Variants in GRM8 observed in about 807,000 individuals in gnomAD.
GRM8 encodes the protein glutamate metabotropic receptor 8.
In GRM8, 47 loss-of-function variants were observed where a neutral mutation model predicts 87.2. The ratio of observed to expected loss-of-function variants is 0.54; its 90% CI spans 0.43 to 0.69. GRM8 has a LOEUF of 0.69. GRM8 is among the 30% of genes least tolerant of loss of function. The pLI is 0.00. For synonymous variants in GRM8, 396 were observed against 404.5 expected, an observed-to-expected ratio of 0.98 and a Z score of 0.25; for missense variants, 1,019 against 1,139.2, an observed-to-expected ratio of 0.89 and a Z score of 1.52.
At chr7:126,619,343 G>A (rs1466465996) in intron 7 of GRM8, among the ~76,000 whole-genome samples, 1 of 152,096 alleles carries the variant, frequency 6.6e-6, no homozygotes, top group Non-Finnish European at 1.5e-5. Context: ...ATGGACACAG[G>A]AAGGGGAACA....
At chr7:127,086,789 T>G (rs953542250) in intron 3 of GRM8, among the ~76,000 whole-genome samples, 1 of 152,174 alleles carries the variant, frequency 6.6e-6, no homozygotes, top group Non-Finnish European at 1.5e-5. Context: ...CCAAGGGACA[T>G]CTCCTGTTTT....
intron 2 of GRM8, among the ~76,000 whole-genome samples, chr7:127,206,246 G>A (rs1795906277): frequency 6.6e-6 from 1 of 152,190 alleles, no homozygotes; most frequent in Non-Finnish European, 1.5e-5. Context: ...TGCCAGGCTG[G>A]ATTCCCTAAC....
At chr7:126,795,934 C>T (rs1297157201) in intron 6 of GRM8, among the ~76,000 whole-genome samples, 1 of 151,428 alleles carries the variant, frequency 6.6e-6, no homozygotes, top group Non-Finnish European at 1.5e-5. Context: ...ACATAGTCTA[C>T]ACATAAAAAT....
chr7:126,928,683 A>T (rs995134933), intron 3 of GRM8, among the ~76,000 whole-genome samples: 1 of 151,992 alleles, frequency 6.6e-6, no homozygotes, highest in African/African-American at 2.4e-5. Context: ...AAAAAAAAAA[A>T]AAAAAAGTGC....
At chr7:126,855,290 A>G (rs1797572002) in intron 6 of GRM8, among the ~76,000 whole-genome samples, 1 of 152,100 alleles carries the variant, frequency 6.6e-6, no homozygotes, top group South Asian at 2.1e-4. Context: ...TGGATCATCT[A>G]CATTGTGCTA....
At chr7:126,999,637 G>A (rs1466560958) in intron 3 of GRM8, among the ~76,000 whole-genome samples, 1 of 151,726 alleles carries the variant, frequency 6.6e-6, no homozygotes, top group Non-Finnish European at 1.5e-5. Flanking sequence ...ACGAAAAGGT[G>A]CTCAATGTCA....
chr7:126,650,878 A>G (rs372499578), intron 7 of GRM8, among the ~76,000 whole-genome samples: 10 of 152,052 alleles, frequency 6.6e-5, no homozygotes, highest in Admixed American at 2.0e-4. Context: ...GAGGTTACGC[A>G]TGGGCTCAGC....
At chr7:126,551,976 A>G (rs1037485014) in intron 8 of GRM8, among the ~76,000 whole-genome samples, 3 of 152,194 alleles carry the variant, frequency 2.0e-5, no homozygotes, top group African/African-American at 7.2e-5. Context: ...TGAGCATCAC[A>G]TAAAATGCCC....
intron 7 of GRM8, among the ~76,000 whole-genome samples, chr7:126,643,302 A>G (rs1247035196): frequency 1.6e-4 from 7 of 44,508 alleles, no homozygotes; most frequent in African/African-American, 6.8e-4. Flanking sequence ...AAAAAAAAAA[A>G]AAAAAAAAAA....
At chr7:126,442,731 A>G (rs1801607341) in intron 10 of GRM8, among the ~76,000 whole-genome samples, 1 of 152,032 alleles carries the variant, frequency 6.6e-6, no homozygotes, top group Admixed American at 6.6e-5. Context: ...CTAATTAAAA[A>G]TTAACATATT....
chr7:126,606,889 C>A (rs576552523), intron 8 of GRM8, among the ~76,000 whole-genome samples: 1 of 151,952 alleles, frequency 6.6e-6, no homozygotes, highest in East Asian at 1.9e-4. Flanking sequence ...GCGTATATGG[C>A]GAGATGTGTA....
chr7:126,471,193 A>T (rs1805172577), intron 9 of GRM8, among the ~76,000 whole-genome samples: 1 of 152,014 alleles, frequency 6.6e-6, no homozygotes, highest in Non-Finnish European at 1.5e-5. Context: ...TCTTTAGTTT[A>T]ATTAGATCCC....
chr7:126,783,909 A>G (rs1820357661), intron 6 of GRM8, among the ~76,000 whole-genome samples: 1 of 152,172 alleles, frequency 6.6e-6, no homozygotes, highest in Non-Finnish European at 1.5e-5. Flanking sequence ...CAATCAATAA[A>G]ACATCAGTGT....
chr7:126,876,259 G>T (rs1302475273), intron 6 of GRM8, among the ~76,000 whole-genome samples: 1 of 152,078 alleles, frequency 6.6e-6, no homozygotes, highest in Non-Finnish European at 1.5e-5. Context: ...CTGAATGTCT[G>T]CAATATGGAA....
At chr7:126,820,559 C>A (rs977463845) in intron 6 of GRM8, among the ~76,000 whole-genome samples, 4 of 152,198 alleles carry the variant, frequency 2.6e-5, no homozygotes, top group Non-Finnish European at 5.9e-5. Flanking sequence ...ATAAATTCAA[C>A]AGTCCACGTC....
At chr7:127,094,471 C>A (rs973378365) in intron 3 of GRM8, among the ~76,000 whole-genome samples, 1 of 152,162 alleles carries the variant, frequency 6.6e-6, no homozygotes, top group African/African-American at 2.4e-5. Flanking sequence ...GGGCTCAATC[C>A]GGCAGCCATG....
At chr7:126,623,658 T>G (rs889829728) in intron 7 of GRM8, among the ~76,000 whole-genome samples, 2 of 152,180 alleles carry the variant, frequency 1.3e-5, no homozygotes, top group African/African-American at 4.8e-5. Context: ...TGAACCCCCC[T>G]TCAATCATTT....
chr7:126,842,540 G>T (rs1796372760), intron 6 of GRM8, among the ~76,000 whole-genome samples: 1 of 152,180 alleles, frequency 6.6e-6, no homozygotes, highest in African/African-American at 2.4e-5. Context: ...TTGCATAGGA[G>T]AATTAAGGTT....
chr7:127,185,888 C>A (rs1196752073), intron 2 of GRM8, among the ~76,000 whole-genome samples: 1 of 151,940 alleles, frequency 6.6e-6, no homozygotes, highest in African/African-American at 2.4e-5. Flanking sequence ...TATCTCTCAT[C>A]CTCTTTCTCA....
Sources: gnomAD v4.1 joint callset for allele counts (sites outside exome capture counted in the v4.1 genomes callset) on GRCh38, gnomAD v4.1.1 for gene constraint, MANE v1.5 for transcripts, NCBI Gene and HGNC (gene_info 2026-07-23, HGNC 2026-07-21) for gene names.